THSD7B: variants seen among roughly 807,000 people sequenced by gnomAD.
The protein encoded by THSD7B is thrombospondin type 1 domain containing 7B.
Under a neutral mutation model 213.6 loss-of-function variants are expected in THSD7B, and 138 were observed. That is an observed-to-expected ratio of 0.65 (90% CI 0.56 to 0.74). The LOEUF (loss-of-function observed/expected upper bound fraction) is 0.74, where lower values mean the gene tolerates loss of function less well. THSD7B is among the 30% of genes least tolerant of loss of function. THSD7B has a pLI of 0.00. For synonymous variants in THSD7B, 742 were observed against 687.0 expected (o/e 1.08, Z -1.25); for missense variants, 1,931 against 1,991.5 (o/e 0.97, Z 0.58).
chr2:137,436,749 C>T (rs1039203170), intron 14 of THSD7B, among the ~76,000 whole-genome samples: 6 of 152,192 alleles, frequency 3.9e-5, no homozygotes, highest in African/African-American at 1.4e-4. Flanking sequence ...AACAATAACA[C>T]AAAAAAATTA....
chr2:137,497,962 A>G (rs80124708), intron 15 of THSD7B, among the ~76,000 whole-genome samples: 7,901 of 152,290 alleles, frequency 0.052, 279 homozygotes, highest in Non-Finnish European at 0.073. Context: ...GAGAACTTAT[A>G]TTTGATGATC....
intron 12 of THSD7B, among the ~76,000 whole-genome samples, chr2:137,303,312 G>A (rs1478237240): frequency 1.3e-5 from 2 of 152,138 alleles, no homozygotes; most frequent in East Asian, 3.8e-4. Flanking sequence ...ATGAGCCACT[G>A]CCTCCAGCCA....
intron 6 of THSD7B, among the ~76,000 whole-genome samples, chr2:137,169,748 A>G (rs765319089): frequency 6.6e-6 from 1 of 152,184 alleles, no homozygotes; most frequent in Non-Finnish European, 1.5e-5. Flanking sequence ...TAGAAGTGGT[A>G]TATCATGGGG....
At chr2:136,960,332 T>G (rs2105083613) in intron 2 of THSD7B, among the ~76,000 whole-genome samples, 1 of 152,112 alleles carries the variant, frequency 6.6e-6, no homozygotes, top group African/African-American at 2.4e-5. Flanking sequence ...AGAGATGGGG[T>G]TTTGCCCTGT....
Position 137,618,510 on chromosome 2 carries a change from A to G in THSD7B, c.3681+3A>G, listed in dbSNP as rs1392844586. ...TCAGCATGGACCAATGTGAGCAGGT[A>G]CTGTGTTTATATTCATATCTCACAT... On this transcript the variant is annotated splice_donor_region_variant and intron_variant, in intron 19 of 27. Coordinates refer to ENST00000409968, the MANE Select transcript of THSD7B (RefSeq NM_001316349.2). 1.2e-6 allele frequency: 2 copies of G among 1,612,878 alleles called. No homozygotes were observed. Among genetic ancestry groups the G allele is most frequent in the South Asian group, 1.1e-5 (1 of 90,910 alleles).
Position 136,966,948 on chromosome 2 carries a change from CTG to C in THSD7B, c.139+84633_139+84634del, listed in dbSNP as rs1318059287. Among the ~76,000 whole-genome samples, 18 of 152,260 alleles carry C rather than the reference CTG, an allele frequency of 1.2e-4. No homozygotes were observed. The South Asian group carries it at 3.7e-3, about 32-fold the overall frequency. Reference sequence around the variant, plus strand: ...CTTCCTTCCCCTCCCCTACTAAACTCTGTATCATTTATTGTCTCTGCAACTGA... The same window carrying C: ...CTTCCTTCCCCTCCCCTACTAAACTCTATCATTTATTGTCTCTGCAACTGA... On this transcript the variant is annotated intron_variant, in intron 2 of 27. Transcript: ENST00000409968.
At chr2:136,804,440 C>G (rs1209693268) in intron 1 of THSD7B, among the ~76,000 whole-genome samples, 1 of 114,642 alleles carries the variant, frequency 8.7e-6, no homozygotes, top group African/African-American at 3.1e-5. Flanking sequence ...ACACACACAC[C>G]CTTACCCTTG....
intron 17 of THSD7B, among the ~76,000 whole-genome samples, chr2:137,603,146 CG>C (rs1348051173): frequency 6.6e-6 from 1 of 152,174 alleles, no homozygotes; most frequent in Non-Finnish European, 1.5e-5. Context: ...CGCCTCCCCT[CG>C]CCTGAGTATC....
chr2:137,026,719 T>C (rs1172955663), intron 2 of THSD7B, among the ~76,000 whole-genome samples: 1 of 152,176 alleles, frequency 6.6e-6, no homozygotes, highest in East Asian at 1.9e-4. Flanking sequence ...AACAATATAT[T>C]TGCAACACTC....
chr2:137,084,525 T>C (rs1034557307), intron 3 of THSD7B, among the ~76,000 whole-genome samples: 1 of 152,192 alleles, frequency 6.6e-6, no homozygotes, highest in African/African-American at 2.4e-5. Flanking sequence ...TATTTCACTG[T>C]CTTCTTTGCA....
At chr2:137,572,198 C>G (rs934888672) in intron 16 of THSD7B, among the ~76,000 whole-genome samples, 76 of 152,268 alleles carry the variant, frequency 5.0e-4, no homozygotes, top group African/African-American at 1.8e-3. Context: ...CATTGTTCTC[C>G]CTTGCCCTGA....
chr2:137,153,112 T>G (rs1359009694), intron 5 of THSD7B, among the ~76,000 whole-genome samples: 1 of 152,146 alleles, frequency 6.6e-6, no homozygotes, highest in African/African-American at 2.4e-5. Flanking sequence ...AATAGAAACA[T>G]GAATATATGG....
intron 5 of THSD7B, among the ~76,000 whole-genome samples, chr2:137,142,448 T>TTTGTTG (rs139185076): frequency 1.3e-5 from 2 of 151,972 alleles, no homozygotes; most frequent in Non-Finnish European, 2.9e-5. Flanking sequence ...AACATTCGTT[T>TTTGTTG]TTGTTGTTGT....
chr2:137,027,814 G>C (rs1686583110), intron 2 of THSD7B, among the ~76,000 whole-genome samples: 1 of 152,142 alleles, frequency 6.6e-6, no homozygotes, highest in African/African-American at 2.4e-5. Context: ...AGATTAATAA[G>C]GGAGACACTG....
chr2:137,268,462 G>T (rs1249187199), intron 10 of THSD7B, among the ~76,000 whole-genome samples: 1 of 152,096 alleles, frequency 6.6e-6, no homozygotes, highest in Non-Finnish European at 1.5e-5. Flanking sequence ...CTTAATCCAT[G>T]TTATTATTTC....
At chr2:137,214,257 G>A (rs1442009803) in intron 7 of THSD7B, among the ~76,000 whole-genome samples, 1 of 151,928 alleles carries the variant, frequency 6.6e-6, no homozygotes, top group Non-Finnish European at 1.5e-5. Context: ...TTTTCCTTCT[G>A]TCTACCATCT....
chr2:137,626,278 C>A (rs1022209283), intron 20 of THSD7B, among the ~76,000 whole-genome samples: 1 of 152,006 alleles, frequency 6.6e-6, no homozygotes, highest in Non-Finnish European at 1.5e-5. Flanking sequence ...ATGGCTAACA[C>A]GGTGAAACCC....
intron 16 of THSD7B, among the ~76,000 whole-genome samples, chr2:137,564,065 A>G (rs570924908): frequency 2.6e-4 from 40 of 152,350 alleles, no homozygotes; most frequent in Non-Finnish European, 5.3e-4. Context: ...AGAAGTTACA[A>G]TATTTATACA....
At chr2:137,324,355 C>T (rs568358045) in intron 12 of THSD7B, among the ~76,000 whole-genome samples, 5 of 152,174 alleles carry the variant, frequency 3.3e-5, no homozygotes, top group African/African-American at 1.2e-4. Context: ...GTTATATAAT[C>T]GTGGTCGAAT....
Sources: gnomAD v4.1 joint callset for allele counts (sites outside exome capture counted in the v4.1 genomes callset) on GRCh38, gnomAD v4.1.1 for gene constraint, MANE v1.5 for transcripts, NCBI Gene and HGNC (gene_info 2026-07-23, HGNC 2026-07-21) for gene names.